Variants in RSPO4 observed in about 807,000 individuals in gnomAD.
RSPO4 encodes the protein R-spondin-4.
RSPO4 carries 23 observed loss-of-function variants against 24.8 expected under a neutral mutation model. The observed-to-expected ratio is 0.93, with a 90% CI of 0.67 to 1.31. RSPO4 has a LOEUF of 1.31. Among genes scored for constraint, RSPO4 ranks in the 40% most tolerant of loss-of-function variants. The pLI, the probability that RSPO4 is intolerant of heterozygous loss-of-function variation, is 0.00. For missense variants in RSPO4, 333 were observed against 316.5 expected (o/e 1.05, Z -0.39); for synonymous variants, 141 against 127.4 (o/e 1.11, Z -0.72).
chr20:965,189 A>G (rs561799627), intron 3 of RSPO4, among the ~76,000 whole-genome samples: 1 of 151,210 alleles, frequency 6.6e-6, no homozygotes, highest in East Asian at 2.0e-4. Flanking sequence ...GCACCGTGGG[A>G]GCCCAGAAGC....
chr20:987,915 G>A (rs772441158), intron 1 of RSPO4, among the ~76,000 whole-genome samples: 7 of 152,280 alleles, frequency 4.6e-5, no homozygotes, highest in Admixed American at 3.9e-4. Context: ...ATACATCAGT[G>A]AATGAGACAG....
intron 1 of RSPO4, among the ~76,000 whole-genome samples, chr20:987,100 CCACA>C (rs1984945540): frequency 1.3e-5 from 2 of 152,286 alleles, no homozygotes; most frequent in South Asian, 2.1e-4. Flanking sequence ...TTGTTAGAAG[CCACA>C]CAGTGAGTCA....
At chr20:984,334 G>C (rs1235953052) in intron 1 of RSPO4, among the ~76,000 whole-genome samples, 1 of 148,976 alleles carries the variant, frequency 6.7e-6, no homozygotes, top group Non-Finnish European at 1.5e-5. Flanking sequence ...GTGAGACTCT[G>C]TCTCAGAAAA....
At chr20:978,770 C>T (rs1278093496) in intron 1 of RSPO4, among the ~76,000 whole-genome samples, 1 of 151,976 alleles carries the variant, frequency 6.6e-6, no homozygotes, top group African/African-American at 2.4e-5. Flanking sequence ...AGGCCAGGAG[C>T]AGGACTAGTT....
At chr20:974,138 A>G (rs543261301) in intron 1 of RSPO4, among the ~76,000 whole-genome samples, 1 of 152,352 alleles carries the variant, frequency 6.6e-6, no homozygotes, top group East Asian at 1.9e-4. Flanking sequence ...CTTAAACTTG[A>G]CTGTGATAAC....
chr20:964,497 T>G (rs927191913), intron 3 of RSPO4, among the ~76,000 whole-genome samples: 2 of 151,838 alleles, frequency 1.3e-5, no homozygotes, highest in African/African-American at 4.8e-5. Flanking sequence ...CAGCCTGAGT[T>G]GGGAGTCAAG....
intron 1 of RSPO4, among the ~76,000 whole-genome samples, chr20:995,264 G>T (rs899607001): frequency 2.6e-5 from 4 of 152,230 alleles, no homozygotes; most frequent in African/African-American, 7.2e-5. Context: ...GGCAGCATTA[G>T]ATGGGTTTTC....
At chr20:974,264 C>T (rs1984495968) in intron 1 of RSPO4, among the ~76,000 whole-genome samples, 2 of 152,240 alleles carry the variant, frequency 1.3e-5, no homozygotes, top group South Asian at 2.1e-4. Flanking sequence ...AGTTTCCTTT[C>T]CCTGAGAACT....
chr20:991,618 T>A (rs572542490), intron 1 of RSPO4, among the ~76,000 whole-genome samples: 54 of 151,548 alleles, frequency 3.6e-4, no homozygotes, highest in African/African-American at 9.9e-4. Context: ...TTAAAACAAA[T>A]TTAAACAGTT....
intron 2 of RSPO4, 103 bp from the exon 3 acceptor site, chr20:967,417 T>A: frequency 7.8e-7 from 1 of 1,283,304 alleles, no homozygotes; most frequent in Non-Finnish European, 1.1e-6. Flanking sequence ...CCAGGCTTGG[T>A]AGCATTTGGG....
Position 970,484 on chromosome 20 carries a change from T to C in RSPO4, c.80-2346A>G, listed in dbSNP as rs1984372906. Among the ~76,000 whole-genome samples the C allele has an allele frequency of 6.6e-6, 1 of 152,114 alleles. No individual in the cohort carries two copies. The highest frequency in any genetic ancestry group is 1.5e-5 in the Non-Finnish European group (1 of 68,040). ...CTGGGATGCTGTTCCCAAGCAAAGTTGGCATTGCCCTCAATTTTCTTGCCC... is the reference window on the plus strand; with the variant it reads ...CTGGGATGCTGTTCCCAAGCAAAGTCGGCATTGCCCTCAATTTTCTTGCCC... On this transcript the variant is annotated intron_variant, in intron 1 of 4. Transcript: ENST00000217260. The surrounding 1 kb of genome is among the most constrained non-coding windows in gnomAD (Gnocchi z 4.1).
At chr20:994,322 G>C (rs990610584) in intron 1 of RSPO4, among the ~76,000 whole-genome samples, 2 of 152,202 alleles carry the variant, frequency 1.3e-5, no homozygotes, top group African/African-American at 4.8e-5. Context: ...TCTATGTCCT[G>C]ATGGTGCCTA....
intron 1 of RSPO4, among the ~76,000 whole-genome samples, chr20:993,890 T>C (rs1985191035): frequency 6.6e-6 from 1 of 152,112 alleles, no homozygotes; most frequent in Non-Finnish European, 1.5e-5. Context: ...TGGGAGGCAA[T>C]TAAGTTCAGT....
In RSPO4 at chr20:964,048, C is replaced by T. The variant is rs373745354; in HGVS notation, c.482G>A (p.Trp161Ter). 5 of 1,613,218 alleles carry T rather than the reference C, an allele frequency of 3.1e-6. No individual in the cohort carries two copies. The African/African-American group carries it at 6.7e-5, about 22-fold the overall frequency. Residue 161 changes from tryptophan (W) to a stop codon, truncating the protein, a stop_gained, in exon 4 of 5, where the codon TGG becomes TAG. Transcript: ENST00000217260. LOFTEE classifies it high-confidence loss of function. ...CTCTCGTACCCGGCTCTCCAGGCCC[C>T]AAGCCGAGCCGCAGGTCTTTCCATT... is the stretch of plus-strand genomic sequence containing the variant. ...THNGKTCGSA[W>*]GLESRVREAG... is the part of the protein sequence containing the mutation.
In RSPO4 at chr20:958,737, T is replaced by A. The variant is rs905816479; in HGVS notation, c.*1620A>T. On this transcript the variant is annotated 3_prime_UTR_variant, in exon 5 of 5. Transcript: ENST00000217260. ...CTCTTGGGGTCGGGAATGTAATATT[T>A]CATCACCTAGAGCCTCTCCCCCAGC... The A allele has an allele frequency of 1.3e-5, 2 of 151,942 alleles. No homozygotes were observed. Among genetic ancestry groups the A allele is most frequent in the African/African-American group, 4.8e-5 (2 of 41,296 alleles). The allele number at this position is 151,942 out of a possible 1,614,324, so 9.4% of individuals were successfully genotyped here. A position where few individuals can be genotyped will look rare whatever the true frequency, so the allele number is the denominator to read the frequency against.
chr20:976,768 T>G (rs1364484143), intron 1 of RSPO4, among the ~76,000 whole-genome samples: 1 of 152,084 alleles, frequency 6.6e-6, no homozygotes, highest in Non-Finnish European at 1.5e-5. Flanking sequence ...GAAATTTCCT[T>G]AATACCCAAG....
chr20:994,225 T>C (rs1985201293), intron 1 of RSPO4, among the ~76,000 whole-genome samples: 2 of 152,172 alleles, frequency 1.3e-5, no homozygotes, highest in South Asian at 4.1e-4. Context: ...TAAGTATTTT[T>C]AAAGAAAAAA....
intron 1 of RSPO4, among the ~76,000 whole-genome samples, chr20:982,160 G>C (rs2052491346): frequency 6.6e-6 from 1 of 152,158 alleles, no homozygotes; most frequent in African/African-American, 2.4e-5. Flanking sequence ...GACCGGGGCA[G>C]AGAGTCTACC....
chr20:1,002,205 G>A lies in RSPO4; in HGVS notation c.-41C>T. 3 of 1,465,834 alleles carry A rather than the reference G, an allele frequency of 2.0e-6. No homozygotes were observed. The highest frequency in any genetic ancestry group is 2.7e-6 in the Non-Finnish European group (3 of 1,098,862). 90.8% of individuals were successfully genotyped at this position (1,465,834 alleles called of 1,614,324 possible). A position where few individuals can be genotyped will look rare whatever the true frequency, so the allele number is the denominator to read the frequency against. ...CGGGCTGGCGCTCCCCAGGCGGCCC[G>A]ACGGCCCAAGGGCCCCACGTCCCGG... On this transcript the variant is annotated 5_prime_UTR_variant, in exon 1 of 5. Transcript: ENST00000217260. The surrounding 1 kb of genome is among the most constrained non-coding windows in gnomAD (Gnocchi z 4.6).
Sources: gnomAD v4.1 joint callset for allele counts (sites outside exome capture counted in the v4.1 genomes callset) on GRCh38, gnomAD v4.1.1 for gene constraint, Gnocchi (gnomAD v3.1) non-coding constraint, MANE v1.5 for transcripts, NCBI Gene and HGNC (gene_info 2026-07-23, HGNC 2026-07-21) for gene names.